SOX6: variants seen among roughly 807,000 people sequenced by gnomAD.
SOX6 encodes SRY-box transcription factor 6, also known as transcription factor SOX-6.
Under a neutral mutation model 97.8 loss-of-function variants are expected in SOX6, and 11 were observed. The observed-to-expected ratio is 0.11, with a 90% confidence interval of 0.07 to 0.19. The LOEUF is 0.19. Among genes scored for constraint, SOX6 ranks in the 10% least tolerant of loss-of-function variants. SOX6 has a pLI of 1.00. For missense variants in SOX6, 810 were observed against 1,039.5 expected, an observed-to-expected ratio of 0.78 and a Z score of 3.04; for synonymous variants, 360 against 371.4, an observed-to-expected ratio of 0.97 and a Z score of 0.35.
intron 15 of SOX6, among the ~76,000 whole-genome samples, chr11:15,974,378 C>CTTTTTTTTTTTTTTTTTTTTTTTTTT (rs35597667): frequency 1.2e-5 from 1 of 85,658 alleles, no homozygotes; most frequent in Non-Finnish European, 2.0e-5. Context: ...TTAGCTCTCT[C>CTTTTTTTTTTTTTTTTTTTTTTTTTT]TTTTTTTTTT....
intron 3 of SOX6, among the ~76,000 whole-genome samples, chr11:16,280,423 G>C (rs1854521812): frequency 6.6e-6 from 1 of 150,688 alleles, no homozygotes; most frequent in South Asian, 2.1e-4. Flanking sequence ...TCACTTTCTA[G>C]AAAGTGGTTT....
rs575147382 is a variant in SOX6 at position 16,092,886 on chromosome 11, C to T, written c.1101+3110G>A. On this transcript the variant is annotated intron_variant, in intron 9 of 15. Transcript: ENST00000683767. ...AAAGTCATCCAGAGCTTAGTTCCCA[C>T]GACAATATTTCTTCAGAAACAATCT... Among the ~76,000 whole-genome samples, 15 of 151,468 alleles carry T rather than the reference C, an allele frequency of 9.9e-5. No homozygotes were observed. In the South Asian group the frequency reaches 2.5e-3, roughly 25 times the overall value.
chr11:16,523,509 A>G (rs2133163161), intron 4 of SOX6, among the ~76,000 whole-genome samples: 1 of 152,230 alleles, frequency 6.6e-6, no homozygotes, highest in African/African-American at 2.4e-5. Flanking sequence ...TTATAGCACT[A>G]AATGCCCACA....
At chr11:16,591,998 T>C (rs1021247394) in intron 4 of SOX6, among the ~76,000 whole-genome samples, 14 of 152,174 alleles carry the variant, frequency 9.2e-5, no homozygotes, top group African/African-American at 2.7e-4. Context: ...TATTCGATTA[T>C]AGGATTTGGG....
intron 15 of SOX6, among the ~76,000 whole-genome samples, chr11:15,979,471 G>A (rs997255284): frequency 6.6e-6 from 1 of 152,022 alleles, no homozygotes; most frequent in Non-Finnish European, 1.5e-5. Flanking sequence ...TCATATGAAA[G>A]CATTCCTCTG....
chr11:16,411,044 G>A (rs528889815), intron 1 of SOX6, among the ~76,000 whole-genome samples: 28 of 151,992 alleles, frequency 1.8e-4, no homozygotes, highest in Admixed American at 5.9e-4. Flanking sequence ...CAGGAAAGGC[G>A]TAGTGTCAGA....
intron 12 of SOX6, among the ~76,000 whole-genome samples, chr11:16,043,921 C>T (rs1480468045): frequency 6.6e-6 from 1 of 152,122 alleles, no homozygotes; most frequent in Non-Finnish European, 1.5e-5. Flanking sequence ...CAAAAGCTCA[C>T]ACTCTCACCC....
chr11:16,176,514 T>A (rs1851190193), intron 6 of SOX6, among the ~76,000 whole-genome samples: 1 of 151,856 alleles, frequency 6.6e-6, no homozygotes, highest in Non-Finnish European at 1.5e-5. Flanking sequence ...TATAATTAAC[T>A]GTCTAAAAGG....
intron 4 of SOX6, among the ~76,000 whole-genome samples, chr11:16,506,243 C>T (rs1373726937): frequency 1.3e-5 from 2 of 152,212 alleles, no homozygotes; most frequent in South Asian, 2.1e-4. Context: ...GGAGCCTACC[C>T]ATCGCATCAC....
intron 4 of SOX6, among the ~76,000 whole-genome samples, chr11:16,211,564 C>T (rs1852234427): frequency 6.6e-6 from 1 of 152,018 alleles, no homozygotes; most frequent in South Asian, 2.1e-4. Context: ...GTCATTATAC[C>T]CAGGCTTCTA....
upstream of SOX6, among the ~76,000 whole-genome samples, chr11:16,357,490 A>G (rs1253245685): frequency 1.3e-5 from 2 of 152,154 alleles, no homozygotes; most frequent in Non-Finnish European, 2.9e-5. Flanking sequence ...TTGGGCATCC[A>G]TGGAATTCTT....
chr11:16,681,700 T>C (rs895215766), intron 3 of SOX6, among the ~76,000 whole-genome samples: 3 of 151,926 alleles, frequency 2.0e-5, no homozygotes, highest in African/African-American at 7.3e-5. Context: ...ATCAACAAAA[T>C]AGATAGACCA....
chr11:16,500,734 T>C (rs1372716993), intron 4 of SOX6, among the ~76,000 whole-genome samples: 1 of 152,100 alleles, frequency 6.6e-6, no homozygotes, highest in Non-Finnish European at 1.5e-5. Flanking sequence ...ATGAAATATC[T>C]AGGAATCCAA....
Position 16,014,957 on chromosome 11 carries a change from G to C in SOX6, c.1717C>G (p.Pro573Ala). 1 of 1,612,764 alleles carries C rather than the reference G, an allele frequency of 6.2e-7. No homozygotes were observed. The highest frequency in any genetic ancestry group is 8.5e-7 in the Non-Finnish European group (1 of 1,179,228). Residue 573 changes from proline (P) to alanine (A), a missense_variant, in exon 13 of 16, where the codon CCA (proline) becomes GCA (alanine). Around this residue, in one of 9 missense-constraint regions of SOX6, gnomAD observed 120 missense variants for 127.0 expected, o/e 0.94. Transcript: ENST00000683767. ...LGPGVIDLTR[P>A]EDAEGSKAMN... ...AGCCACTCACCCTCTGCATCTTCTG[G>C]CCGAGTAAGGTCGATGACACCTGGG...
upstream of SOX6, among the ~76,000 whole-genome samples, chr11:16,478,749 A>G (rs1860294967): frequency 6.6e-6 from 1 of 152,222 alleles, no homozygotes; most frequent in Admixed American, 6.5e-5. Context: ...GAATTAATAT[A>G]TACACAACTT....
Position 16,400,225 on chromosome 11 carries a change from T to C in SOX6, c.-4-58973A>G, listed in dbSNP as rs546649087. On this transcript the variant is annotated intron_variant, in intron 1 of 15. Coordinates refer to the SOX6 transcript ENST00000396356. ...ACATTTAAAAGATATACAAATTATA[T>C]AGTATGTTCAATATTGAAAAAGTTT... 5.3e-5 allele frequency among the ~76,000 whole-genome samples: 8 copies of C among 151,536 alleles called. No individual in the cohort carries two copies. In the South Asian group the frequency reaches 8.3e-4, roughly 16 times the overall value.
chr11:16,212,032 G>A (rs1190278586), intron 4 of SOX6, among the ~76,000 whole-genome samples: 2 of 152,026 alleles, frequency 1.3e-5, no homozygotes, highest in Non-Finnish European at 2.9e-5. Flanking sequence ...ATGTACAGTA[G>A]AAAATAAAAA....
At chr11:16,061,543 T>C (rs79087965) in intron 9 of SOX6, among the ~76,000 whole-genome samples, 7,574 of 151,424 alleles carry the variant, frequency 0.05, 623 homozygotes, top group African/African-American at 0.17. Flanking sequence ...GAAAAAACAA[T>C]CCTAAAATTC....
At chr11:16,706,472 ATATATATATATATATATATATATATAT>A (rs1848136357) in intron 3 of SOX6, among the ~76,000 whole-genome samples, 2 of 16,514 alleles carry the variant, frequency 1.2e-4, no homozygotes, top group African/African-American at 9.5e-4. Context: ...AAAAAAAAAA[ATATATATATATATATATATATATATAT>A]ATATATATAT....
Sources: allele counts gnomAD v4.1 joint callset (sites outside exome capture counted in the v4.1 genomes callset), GRCh38; gene constraint gnomAD v4.1.1; regional missense constraint gnomAD v4.1.1; transcripts MANE v1.5; gene names NCBI Gene and HGNC (gene_info 2026-07-23, HGNC 2026-07-21).